Variants in CPVL observed in about 807,000 individuals in gnomAD.
CPVL encodes probable serine carboxypeptidase CPVL.
A neutral mutation model predicts 63.7 loss-of-function variants in CPVL; 51 were observed. The observed-to-expected ratio is 0.80, with a 90% CI of 0.64 to 1.01. The LOEUF (loss-of-function observed/expected upper bound fraction) is 1.01, where lower values mean the gene tolerates loss of function less well. Ranked by LOEUF, CPVL falls within the 50% of genes least tolerant of loss-of-function variation. The pLI is 0.00. For synonymous variants in CPVL, 195 were observed against 206.0 expected (o/e 0.95, Z 0.46); for missense variants, 530 against 573.1 (o/e 0.92, Z 0.77).
chr7:29,009,487 A>C (rs1285912711), intron 12 of CPVL: 1 of 152,186 alleles, frequency 6.6e-6, no homozygotes, highest in Non-Finnish European at 1.5e-5. Context: ...AAATACTGAA[A>C]ACAACCCAAA....
chr7:29,189,487 G>A (rs1006959346), intron 1 of CPVL, among the ~76,000 whole-genome samples: 1 of 152,122 alleles, frequency 6.6e-6, no homozygotes, highest in Non-Finnish European at 1.5e-5. Context: ...GCCCAGAGCA[G>A]GCTTACAGCT....
intron 3 of CPVL, among the ~76,000 whole-genome samples, chr7:29,185,226 A>G (rs1798565921): frequency 1.3e-5 from 2 of 152,194 alleles, no homozygotes; most frequent in Non-Finnish European, 2.9e-5. Context: ...GCTGGAAAAC[A>G]TCTGCCTCAC....
intron 4 of CPVL, 37 bp from the exon 5 acceptor site, chr7:29,095,179 G>A: frequency 1.3e-6 from 2 of 1,577,520 alleles, no homozygotes; most frequent in Non-Finnish European, 1.7e-6. Flanking sequence ...ATAGAGTCGT[G>A]GACAAGCATT....
chr7:29,105,212 G>A (rs920682425), intron 3 of CPVL, among the ~76,000 whole-genome samples: 1 of 152,176 alleles, frequency 6.6e-6, no homozygotes, highest in Non-Finnish European at 1.5e-5. Context: ...TCCATGGCTA[G>A]CCTGCTAGCC....
intron 11 of CPVL, among the ~76,000 whole-genome samples, chr7:29,057,151 A>G (rs1790824185): frequency 6.6e-6 from 1 of 151,888 alleles, no homozygotes; most frequent in African/African-American, 2.4e-5. Context: ...TTGTAGAGAC[A>G]GGGTCTCTCT....
chr7:29,053,003 G>A (rs915459687), intron 11 of CPVL, among the ~76,000 whole-genome samples: 1 of 151,962 alleles, frequency 6.6e-6, no homozygotes, highest in Non-Finnish European at 1.5e-5. Context: ...CAAAGTATTT[G>A]GATACACATT....
chr7:29,030,493 G>A, intron 12 of CPVL, 84 bp downstream of exon 12: 1 of 1,327,680 alleles, frequency 7.5e-7, no homozygotes, highest in Non-Finnish European at 1.1e-6. Flanking sequence ...CTTAAGGTCG[G>A]CCATGTCTCA....
At chr7:29,191,112 G>A (rs1782835417) in intron 1 of CPVL, among the ~76,000 whole-genome samples, 1 of 152,014 alleles carries the variant, frequency 6.6e-6, no homozygotes, top group African/African-American at 2.4e-5. Flanking sequence ...TATTTTTTAT[G>A]TTTTTAGAGA....
intron 12 of CPVL, chr7:29,011,740 C>T (rs1339362443): frequency 6.6e-6 from 1 of 152,204 alleles, no homozygotes; most frequent in Non-Finnish European, 1.5e-5. Context: ...ATAGCACATA[C>T]ATACTTGTAT....
chr7:29,127,153 T>A (rs1029984239), intron 1 of CPVL, among the ~76,000 whole-genome samples: 16 of 152,218 alleles, frequency 1.1e-4, no homozygotes, highest in African/African-American at 3.9e-4. Context: ...AATAATATAA[T>A]CTGACACCAC....
chr7:29,087,415 C>A (rs1278528585), intron 6 of CPVL, among the ~76,000 whole-genome samples: 5 of 126,560 alleles, frequency 4.0e-5, no homozygotes, highest in African/African-American at 1.4e-4. Context: ...CAGAGTAAGA[C>A]TCTGTCTCAA....
intron 12 of CPVL, among the ~76,000 whole-genome samples, chr7:28,999,965 G>A (rs1261586461): frequency 1.3e-5 from 2 of 152,176 alleles, no homozygotes; most frequent in Non-Finnish European, 2.9e-5. Flanking sequence ...TTTTAGAGGT[G>A]AGTAACAAAA....
At chr7:29,181,362 T>TGTGCAGCTGGTGCCC (rs1278896115) in exon 5 of CPVL, 1 of 152,242 alleles carries the variant, frequency 6.6e-6, no homozygotes, top group Non-Finnish European at 1.5e-5. Context: ...CTCCTAGGGT[T>TGTGCAGCTGGTGCCC]GTGCAGCTGG....
chr7:29,111,728 A>G (rs1175663702), intron 3 of CPVL, among the ~76,000 whole-genome samples: 1 of 152,212 alleles, frequency 6.6e-6, no homozygotes, highest in African/African-American at 2.4e-5. Context: ...AGTCAAGAAA[A>G]TATAACTCAA....
At chr7:29,128,050 G>T (rs1179641870) in intron 1 of CPVL, 1 of 151,214 alleles carries the variant, frequency 6.6e-6, no homozygotes, top group African/African-American at 2.4e-5. Flanking sequence ...ATGAGGAAAA[G>T]ATATTCTTTT....
At chr7:29,116,849 A>G (rs1788819130) in intron 2 of CPVL, among the ~76,000 whole-genome samples, 1 of 152,234 alleles carries the variant, frequency 6.6e-6, no homozygotes, top group South Asian at 2.1e-4. Flanking sequence ...CTAAATGAGG[A>G]TTTAAAAATT....
rs536779107 is a variant in CPVL at position 29,170,676 on chromosome 7, A to C, written c.-11+10614T>G. Among the ~76,000 whole-genome samples, 6 of 152,322 alleles carry C rather than the reference A, an allele frequency of 3.9e-5. No homozygotes were observed. The East Asian group carries it at 1.2e-3, about 29-fold the overall frequency. On this transcript the variant is annotated intron_variant, in intron 5 of 16. Transcript: ENST00000409850. Reference sequence around the variant, plus strand: ...TAATATCTAATCTCAGGCAAAAATGACTTACTGTATTAGTCTGTTTTCACA... The same window carrying C: ...TAATATCTAATCTCAGGCAAAAATGCCTTACTGTATTAGTCTGTTTTCACA...
Position 29,096,128 on chromosome 7 carries a change from A to C in CPVL, c.378T>G (p.Pro126=). The change falls in exon 4 of 13, where the codon CCT becomes CCG. Residue 126 remains proline, a synonymous_variant. Transcript: ENST00000265394. ...SMFGLFVEHG[P]YVVTSNMTLR... ...AGGTCATGTTACTTGTGACAACATAAGGCCCATGTTCCACAAAGAGTCCAA... is the reference window on the plus strand; with the variant it reads ...AGGTCATGTTACTTGTGACAACATACGGCCCATGTTCCACAAAGAGTCCAA... 1 of 1,614,044 alleles carries C rather than the reference A, an allele frequency of 6.2e-7. No individual in the cohort carries two copies. The highest frequency in any genetic ancestry group is 8.5e-7 in the Non-Finnish European group (1 of 1,179,852).
At chr7:29,133,349 G>A (rs1790888654) in intron 1 of CPVL, among the ~76,000 whole-genome samples, 1 of 152,164 alleles carries the variant, frequency 6.6e-6, no homozygotes, top group Admixed American at 6.5e-5. Flanking sequence ...TGCTGACAGT[G>A]CCCCTTTGGC....
Sources: gnomAD v4.1 joint callset for allele counts (sites outside exome capture counted in the v4.1 genomes callset) on GRCh38, gnomAD v4.1.1 for gene constraint, MANE v1.5 for transcripts, NCBI Gene and HGNC (gene_info 2026-07-23, HGNC 2026-07-21) for gene names.